The following CHRM2 variants were observed in gnomAD, a reference collection of about 807,000 sequenced individuals.
The protein encoded by CHRM2 is cholinergic receptor muscarinic 2.
A neutral mutation model predicts 25.0 loss-of-function variants in CHRM2; 8 were observed. That is an observed-to-expected ratio of 0.32 (90% CI 0.19 to 0.58). The LOEUF (loss-of-function observed/expected upper bound fraction) is 0.58, where lower values mean the gene tolerates loss of function less well. Among genes scored for constraint, CHRM2 ranks in the 20% least tolerant of loss-of-function variants. The pLI, the probability that CHRM2 is intolerant of heterozygous loss-of-function variation, is 0.88. For synonymous variants in CHRM2, 202 were observed against 205.7 expected (o/e 0.98, Z 0.15); for missense variants, 440 against 567.1 (o/e 0.78, Z 2.28).
Position 136,893,479 on chromosome 7 carries a change from C to T in CHRM2, c.-125+24061C>T, listed in dbSNP as rs928125613. On this transcript the variant is annotated intron_variant, in intron 2 of 3. Transcript: ENST00000680005. ...TTTTACCATTGGCACACCACTGAGGCCACTGAATCAGCCTCTGATGGTTAT... is the reference window on the plus strand; with the variant it reads ...TTTTACCATTGGCACACCACTGAGGTCACTGAATCAGCCTCTGATGGTTAT... 9.2e-5 allele frequency among the ~76,000 whole-genome samples: 14 copies of T among 152,172 alleles called. 1 individual carries two copies. The highest frequency in any genetic ancestry group is 6.2e-4 in the South Asian group (3 of 4,830).
chr7:136,990,328 G>A (rs1029693284), intron 2 of CHRM2, among the ~76,000 whole-genome samples: 1 of 151,998 alleles, frequency 6.6e-6, no homozygotes, highest in Admixed American at 6.6e-5. Context: ...ATATTATATG[G>A]TGTTTTTTTC....
chr7:136,903,116 G>T lies in CHRM2; in HGVS notation c.-125+33698G>T, dbSNP rs201717152. The T allele has an allele frequency of 7.5e-6, 4 of 533,242 alleles. No individual in the cohort carries two copies. In the East Asian group the frequency reaches 1.6e-4, roughly 22 times the overall value. 33.0% of individuals were successfully genotyped at this position (533,242 alleles called of 1,614,324 possible). A position where few individuals can be genotyped will look rare whatever the true frequency, so the allele number is the denominator to read the frequency against. On this transcript the variant is annotated intron_variant, in intron 2 of 3. Coordinates refer to ENST00000680005, the MANE Select transcript of CHRM2 (RefSeq NM_001006630.2). ...ACTCATTTGGGCTAGTGTAGGTGTA[G>T]GTTTTTTATTCTTCAACCAACGGTG...
At chr7:137,014,245 G>T (rs1361657670) in intron 3 of CHRM2, among the ~76,000 whole-genome samples, 4 of 151,954 alleles carry the variant, frequency 2.6e-5, no homozygotes, top group Non-Finnish European at 4.4e-5. Flanking sequence ...TTCTCATCTA[G>T]GGAGAGTATA....
In CHRM2 at chr7:136,970,671, G is replaced by C. The variant is rs747693178; in HGVS notation, c.-124-21516G>C. ...AACATTTAATGAGCAATTACTTTGT[G>C]CTAGCAGGTTAAATATAATACTTCT... On this transcript the variant is annotated intron_variant, in intron 2 of 3. Transcript: ENST00000680005. 8.1e-4 allele frequency among the ~76,000 whole-genome samples: 122 copies of C among 149,782 alleles called. 1 individual carries two copies. Among genetic ancestry groups the C allele is most frequent in the Non-Finnish European group, 1.6e-3 (109 of 67,608 alleles).
chr7:136,983,854 T>C (rs1261129238), intron 2 of CHRM2, among the ~76,000 whole-genome samples: 2 of 152,128 alleles, frequency 1.3e-5, no homozygotes, highest in South Asian at 2.1e-4. Context: ...AGAGCTCTCC[T>C]GTATGAGGTG....
chr7:136,976,821 T>C (rs1253935086), intron 2 of CHRM2, among the ~76,000 whole-genome samples: 1 of 152,174 alleles, frequency 6.6e-6, no homozygotes, highest in Non-Finnish European at 1.5e-5. Context: ...ATCTCACCAC[T>C]AGTCCTTAGT....
chr7:136,879,290 A>G lies in CHRM2; in HGVS notation c.-125+9872A>G, dbSNP rs182924306. Among the ~76,000 whole-genome samples, 289 of 152,054 alleles carry G rather than the reference A, an allele frequency of 1.9e-3. 2 individuals carry two copies. The highest frequency in any genetic ancestry group is 5.6e-3 in the South Asian group (27 of 4,828). The stretch of plus-strand genomic sequence containing the variant: ...AAATGTCATTATTTGATCTCCTTCT[A>G]TTTCATACTGTTATATCTATTTCCT... On this transcript the variant is annotated intron_variant, in intron 2 of 3. Transcript: ENST00000680005.
chr7:136,966,030 A>G (rs187086004), intron 2 of CHRM2, among the ~76,000 whole-genome samples: 1 of 152,000 alleles, frequency 6.6e-6, no homozygotes, highest in Admixed American at 6.6e-5. Context: ...GGGAGACAGA[A>G]CTCTGATAAT....
intron 2 of CHRM2, among the ~76,000 whole-genome samples, chr7:136,895,735 A>G (rs1290061068): frequency 6.6e-6 from 1 of 152,160 alleles, no homozygotes; most frequent in East Asian, 1.9e-4. Context: ...CTTTTGGCCA[A>G]TCGCTTTGTT....
At chr7:136,880,844 C>T (rs1480599819) in intron 2 of CHRM2, among the ~76,000 whole-genome samples, 1 of 151,804 alleles carries the variant, frequency 6.6e-6, no homozygotes, top group African/African-American at 2.4e-5. Flanking sequence ...TGGTGTTTTG[C>T]ATTCCCTGAT....
chr7:136,904,121 G>T (rs930860504), intron 2 of CHRM2, among the ~76,000 whole-genome samples: 1 of 151,500 alleles, frequency 6.6e-6, no homozygotes. Flanking sequence ...TTTAATTTTT[G>T]AGTTATCTTT....
Position 136,967,928 on chromosome 7 carries a change from AT to A in CHRM2, c.-124-24248del, listed in dbSNP as rs200766074. The stretch of plus-strand genomic sequence containing the variant: ...TGTTAGGTTTCTAGTTCTGGTGTTG[AT>A]TTTTTTTTTTACTCATTCACACTTC... On this transcript the variant is annotated intron_variant, in intron 2 of 3. Coordinates refer to ENST00000680005, the MANE Select transcript of CHRM2 (RefSeq NM_001006630.2). Among the ~76,000 whole-genome samples the A allele has an allele frequency of 1.5e-3, 227 of 147,216 alleles. 2 individuals carry two copies. The highest frequency in any genetic ancestry group is 0.015 in the East Asian group (77 of 5,088).
intron 3 of CHRM2, among the ~76,000 whole-genome samples, chr7:137,005,927 C>T (rs1804395743): frequency 6.6e-6 from 1 of 152,068 alleles, no homozygotes; most frequent in African/African-American, 2.4e-5. Context: ...GTAAGAGAGA[C>T]AGATTGATTC....
At chr7:136,976,183 G>T (rs1490622472) in intron 2 of CHRM2, among the ~76,000 whole-genome samples, 2 of 152,088 alleles carry the variant, frequency 1.3e-5, no homozygotes, top group Non-Finnish European at 2.9e-5. Flanking sequence ...GGAACTGCAG[G>T]CTGGATTTTA....
chr7:136,884,368 C>T (rs1051309348), intron 2 of CHRM2, among the ~76,000 whole-genome samples: 1 of 152,086 alleles, frequency 6.6e-6, no homozygotes, highest in African/African-American at 2.4e-5. Flanking sequence ...ATTTTGATGT[C>T]ATCTCTCCTA....
intron 2 of CHRM2, among the ~76,000 whole-genome samples, chr7:136,894,460 C>T (rs1466331090): frequency 6.6e-6 from 1 of 152,080 alleles, no homozygotes; most frequent in Non-Finnish European, 1.5e-5. Flanking sequence ...CAACTTCTGC[C>T]TCCCAGGTTC....
At chr7:136,998,025 A>G (rs1192052179) in intron 3 of CHRM2, among the ~76,000 whole-genome samples, 1 of 152,214 alleles carries the variant, frequency 6.6e-6, no homozygotes, top group East Asian at 1.9e-4. Flanking sequence ...TTGCTATGAC[A>G]TTGAAGAGAA....
intron 2 of CHRM2, among the ~76,000 whole-genome samples, chr7:136,906,619 T>C (rs1797567648): frequency 6.6e-6 from 1 of 151,920 alleles, no homozygotes; most frequent in African/African-American, 2.4e-5. Flanking sequence ...ATTCAGTTTC[T>C]TGAACAATTA....
intron 3 of CHRM2, among the ~76,000 whole-genome samples, chr7:137,000,194 C>CTTTTTTTTTTTTTT (rs57283576): frequency 2.7e-5 from 2 of 73,338 alleles, no homozygotes; most frequent in Non-Finnish European, 2.4e-5. Flanking sequence ...CTTTTTCTTT[C>CTTTTTTTTTTTTTT]TTTTTTTTTT....
Sources: allele counts gnomAD v4.1 joint callset (sites outside exome capture counted in the v4.1 genomes callset), GRCh38; gene constraint gnomAD v4.1.1; transcripts MANE v1.5; gene names NCBI Gene and HGNC (gene_info 2026-07-23, HGNC 2026-07-21).